Variants in MGLL observed in about 807,000 individuals in gnomAD.
MGLL encodes lysophospholipase homolog.
In MGLL, 7 loss-of-function variants were observed where a neutral mutation model predicts 29.1. That is an observed-to-expected ratio of 0.24 (90% CI 0.14 to 0.45). MGLL has a LOEUF of 0.45. Among genes scored for constraint, MGLL ranks in the 20% least tolerant of loss-of-function variants. The probability of loss-of-function intolerance (pLI) is 0.99; values close to 1 mark genes in which losing one functional copy is unlikely to be tolerated. For synonymous variants in MGLL, 148 were observed against 168.3 expected (o/e 0.88, Z 0.93); for missense variants, 356 against 413.6 (o/e 0.86, Z 1.21).
At chr3:127,699,914 C>T (rs1437939048) in intron 6 of MGLL, among the ~76,000 whole-genome samples, 1 of 152,198 alleles carries the variant, frequency 6.6e-6, no homozygotes, top group East Asian at 1.9e-4. Flanking sequence ...CTCCTGGATG[C>T]ACCCCTAATC....
intron 3 of MGLL, among the ~76,000 whole-genome samples, chr3:127,778,883 C>G (rs2077078156): frequency 7.1e-6 from 1 of 140,784 alleles, no homozygotes; most frequent in Non-Finnish European, 1.6e-5. Context: ...TCCTAAGTAG[C>G]TGGCACTATA....
intron 3 of MGLL, among the ~76,000 whole-genome samples, chr3:127,730,615 G>A (rs1453127594): frequency 6.6e-6 from 1 of 152,138 alleles, no homozygotes; most frequent in Non-Finnish European, 1.5e-5. Flanking sequence ...GGGTGGGCAG[G>A]GAGATTGGAG....
chr3:127,753,384 C>T (rs1242983073), intron 3 of MGLL, among the ~76,000 whole-genome samples: 3 of 152,208 alleles, frequency 2.0e-5, no homozygotes, highest in African/African-American at 7.2e-5. Flanking sequence ...TTAACATACT[C>T]TCAGAACCCA....
chr3:127,784,634 A>G (rs909135155), intron 2 of MGLL, among the ~76,000 whole-genome samples: 11 of 151,982 alleles, frequency 7.2e-5, no homozygotes, highest in Admixed American at 2.6e-4. Context: ...ACAGCCCCAC[A>G]CTTCCACCCC....
chr3:127,741,351 A>T (rs539471353), intron 3 of MGLL, among the ~76,000 whole-genome samples: 1 of 152,268 alleles, frequency 6.6e-6, no homozygotes, highest in East Asian at 1.9e-4. Context: ...TCCAGCACAG[A>T]CTGTGGGGTG....
intron 3 of MGLL, among the ~76,000 whole-genome samples, chr3:127,727,084 T>C (rs2076059897): frequency 6.6e-6 from 1 of 152,196 alleles, no homozygotes; most frequent in Non-Finnish European, 1.5e-5. Flanking sequence ...ATCCTGTATC[T>C]GATTGTTTCC....
At chr3:127,741,975 G>A (rs981129139) in intron 3 of MGLL, among the ~76,000 whole-genome samples, 10 of 152,188 alleles carry the variant, frequency 6.6e-5, no homozygotes, top group African/African-American at 2.4e-4. Context: ...GTGGAGCATT[G>A]AGAGTGACTT....
At chr3:127,730,280 T>C (rs2076125437) in intron 3 of MGLL, among the ~76,000 whole-genome samples, 1 of 152,092 alleles carries the variant, frequency 6.6e-6, no homozygotes, top group African/African-American at 2.4e-5. Context: ...TTCCGGAAGC[T>C]GCTCTGATGG....
At chr3:127,805,784 G>A (rs771546707) in intron 2 of MGLL, among the ~76,000 whole-genome samples, 2 of 152,216 alleles carry the variant, frequency 1.3e-5, no homozygotes, top group Admixed American at 6.5e-5. Flanking sequence ...GCAAGAATGA[G>A]GCCAGGCATC....
At chr3:127,770,611 G>A (rs1024598845) in intron 3 of MGLL, among the ~76,000 whole-genome samples, 7 of 152,172 alleles carry the variant, frequency 4.6e-5, no homozygotes, top group Non-Finnish European at 8.8e-5. Context: ...GAACTAAGGC[G>A]TGAGGGCCAG....
chr3:127,694,137 G>T (rs1379876456), intron 7 of MGLL, among the ~76,000 whole-genome samples: 1 of 151,720 alleles, frequency 6.6e-6, no homozygotes, highest in African/African-American at 2.4e-5. Context: ...GGGCAGGGTG[G>T]CAGGCGCCTG....
At chr3:127,738,284 G>C (rs1328148147) in intron 3 of MGLL, among the ~76,000 whole-genome samples, 1 of 150,650 alleles carries the variant, frequency 6.6e-6, no homozygotes, top group Non-Finnish European at 1.5e-5. Flanking sequence ...CTGGGTGACA[G>C]AGTGAGATTC....
intron 5 of MGLL, among the ~76,000 whole-genome samples, chr3:127,719,675 T>A (rs1430049724): frequency 3.9e-5 from 6 of 152,112 alleles, no homozygotes; most frequent in Non-Finnish European, 7.4e-5. Context: ...GTAGGTCATG[T>A]CTCCCCCCAA....
chr3:127,777,790 G>A (rs1163346448), intron 3 of MGLL, among the ~76,000 whole-genome samples: 1 of 151,790 alleles, frequency 6.6e-6, no homozygotes, highest in Non-Finnish European at 1.5e-5. Flanking sequence ...ACAGCCACAC[G>A]TTCCTCACTT....
intron 2 of MGLL, among the ~76,000 whole-genome samples, chr3:127,793,921 C>T (rs1163305138): frequency 6.6e-6 from 1 of 152,226 alleles, no homozygotes; most frequent in Non-Finnish European, 1.5e-5. Context: ...TGAAGTAAGA[C>T]TGTCTTCTAT....
chr3:127,697,844 G>T (rs1433671143), intron 6 of MGLL, among the ~76,000 whole-genome samples: 1 of 152,186 alleles, frequency 6.6e-6, no homozygotes, highest in Admixed American at 6.5e-5. Context: ...CAGGCTGGCG[G>T]TGCCCTGGGC....
chr3:127,710,803 T>C, intron 5 of MGLL, 138 bp from the exon 6 acceptor site: 1 of 782,694 alleles, frequency 1.3e-6, no homozygotes, highest in Non-Finnish European at 2.2e-6. Flanking sequence ...CAAGCCTGCG[T>C]CCTTAAGCCT....
intron 2 of MGLL, among the ~76,000 whole-genome samples, chr3:127,809,072 T>G (rs1202343495): frequency 6.6e-6 from 1 of 151,830 alleles, no homozygotes; most frequent in Non-Finnish European, 1.5e-5. Flanking sequence ...TGTTAGCATG[T>G]TAGCCTTGCC....
chr3:127,800,692 G>A (rs2077460520), intron 2 of MGLL, among the ~76,000 whole-genome samples: 1 of 152,170 alleles, frequency 6.6e-6, no homozygotes, highest in Non-Finnish European at 1.5e-5. Context: ...GTGTCTTCCT[G>A]CCACAACTGA....
Sources: allele counts gnomAD v4.1 joint callset (sites outside exome capture counted in the v4.1 genomes callset), GRCh38; gene constraint gnomAD v4.1.1; transcripts MANE v1.5; gene names NCBI Gene and HGNC (gene_info 2026-07-23, HGNC 2026-07-21).